The following DLGAP2 variants were observed in gnomAD, a reference collection of about 807,000 sequenced individuals.
The protein encoded by DLGAP2 is DLG associated protein 2, also known as disks large-associated protein 2.
Under a neutral mutation model 100.3 loss-of-function variants are expected in DLGAP2, and 26 were observed. The ratio of observed to expected loss-of-function variants is 0.26; its 90% confidence interval spans 0.19 to 0.36. DLGAP2 has a LOEUF of 0.36. DLGAP2 is among the 10% of genes least tolerant of loss of function. The probability of loss-of-function intolerance (pLI) is 1.00; values close to 1 mark genes in which losing one functional copy is unlikely to be tolerated. For synonymous variants in DLGAP2, 886 were observed against 630.1 expected (o/e 1.41, Z -6.08); for missense variants, 1,858 against 1,453.2 (o/e 1.28, Z -4.53).
At chr8:1,237,638 C>A (rs1397276704) in intron 2 of DLGAP2, among the ~76,000 whole-genome samples, 5 of 142,564 alleles carry the variant, frequency 3.5e-5, no homozygotes, top group African/African-American at 1.3e-4. Flanking sequence ...GGTGCCGTGT[C>A]TAGTTCTCTC....
intron 2 of DLGAP2, among the ~76,000 whole-genome samples, chr8:1,243,221 A>G (rs976640659): frequency 1.1e-4 from 17 of 152,190 alleles, no homozygotes; most frequent in African/African-American, 4.1e-4. Flanking sequence ...TGGCCTTCAG[A>G]GAGCCTGCAG....
At chr8:758,057 A>C (rs555605303) in intron 1 of DLGAP2, among the ~76,000 whole-genome samples, 1 of 152,264 alleles carries the variant, frequency 6.6e-6, no homozygotes, top group Admixed American at 6.5e-5. Context: ...AATGGAGATG[A>C]TGGTAATTTC....
intron 1 of DLGAP2, among the ~76,000 whole-genome samples, chr8:841,921 G>C (rs1054315918): frequency 2.6e-5 from 4 of 152,296 alleles, no homozygotes; most frequent in East Asian, 3.9e-4. Flanking sequence ...AGTTACAGCA[G>C]TCCATAATTA....
intron 1 of DLGAP2, among the ~76,000 whole-genome samples, chr8:816,471 TC>T (rs1345036824): frequency 2.6e-5 from 4 of 152,174 alleles, no homozygotes; most frequent in African/African-American, 9.6e-5. Context: ...TATCTTTCCT[TC>T]ATTTACGAAG....
chr8:1,453,035 G>T (rs945898187), intron 3 of DLGAP2, among the ~76,000 whole-genome samples: 4 of 152,214 alleles, frequency 2.6e-5, no homozygotes, highest in African/African-American at 9.6e-5. Flanking sequence ...TGCCATCTGT[G>T]AAGGGTTAGA....
chr8:903,425 G>C (rs1798303333), intron 1 of DLGAP2, among the ~76,000 whole-genome samples: 1 of 152,124 alleles, frequency 6.6e-6, no homozygotes, highest in African/African-American at 2.4e-5. Flanking sequence ...GTGCAAGGCC[G>C]TGTCCATAAA....
intron 1 of DLGAP2, among the ~76,000 whole-genome samples, chr8:771,411 A>C (rs540117993): frequency 2.6e-5 from 4 of 152,354 alleles, no homozygotes; most frequent in Non-Finnish European, 5.9e-5. Flanking sequence ...TTTCAGAAAC[A>C]CATTTTGATT....
chr8:1,224,310 G>T lies in DLGAP2; in HGVS notation c.74-34541G>T, dbSNP rs189881104. Among the ~76,000 whole-genome samples the T allele has an allele frequency of 1.7e-3, 258 of 152,278 alleles. 1 individual carries two copies. Among genetic ancestry groups the T allele is most frequent in the Middle Eastern group, 0.01 (3 of 294 alleles). The stretch of plus-strand genomic sequence containing the variant: ...CATATAAGAGACATAATTGACATGC[G>T]TATTTGTAACTACCGTCAAGTAGGA... On this transcript the variant is annotated intron_variant, in intron 2 of 14. Transcript: ENST00000637795.
intron 2 of DLGAP2, among the ~76,000 whole-genome samples, chr8:1,255,617 G>C (rs1352861307): frequency 7.4e-6 from 1 of 135,364 alleles, no homozygotes; most frequent in Non-Finnish European, 1.5e-5. Flanking sequence ...TCTCTTGCCT[G>C]GGTGCTGTGT....
intron 3 of DLGAP2, among the ~76,000 whole-genome samples, chr8:1,476,311 C>T (rs184307838): frequency 1.3e-5 from 2 of 152,318 alleles, no homozygotes; most frequent in East Asian, 1.9e-4. Context: ...CATACATCTA[C>T]GTGAGAGAGC....
chr8:1,417,857 G>A (rs1322669855), intron 3 of DLGAP2, among the ~76,000 whole-genome samples: 2 of 152,186 alleles, frequency 1.3e-5, no homozygotes, highest in East Asian at 1.9e-4. Context: ...CTTTATTGGC[G>A]GGAATTCAGA....
chr8:1,485,700 A>G (rs968683156), intron 3 of DLGAP2, among the ~76,000 whole-genome samples: 1 of 152,196 alleles, frequency 6.6e-6, no homozygotes, highest in Non-Finnish European at 1.5e-5. Flanking sequence ...GGAAAAGGGA[A>G]CCTTTGAAAG....
At chr8:1,515,828 C>T (rs1463137344) in intron 4 of DLGAP2, among the ~76,000 whole-genome samples, 1 of 152,264 alleles carries the variant, frequency 6.6e-6, no homozygotes, top group Non-Finnish European at 1.5e-5. Context: ...CTCCCATTCC[C>T]TCTGTACTGT....
At chr8:1,487,220 C>T (rs1020934598) in intron 3 of DLGAP2, among the ~76,000 whole-genome samples, 3 of 152,204 alleles carry the variant, frequency 2.0e-5, no homozygotes, top group African/African-American at 7.2e-5. Flanking sequence ...CCAGTTTCAT[C>T]TGTCATTTTT....
At chr8:1,281,456 C>G (rs1304884914) in intron 3 of DLGAP2, among the ~76,000 whole-genome samples, 1 of 152,190 alleles carries the variant, frequency 6.6e-6, no homozygotes, top group Non-Finnish European at 1.5e-5. Context: ...CTGCGCCTCC[C>G]CAGCCCTTCT....
chr8:1,098,366 C>G (rs942705724), intron 2 of DLGAP2, among the ~76,000 whole-genome samples: 1 of 152,242 alleles, frequency 6.6e-6, no homozygotes, highest in African/African-American at 2.4e-5. Context: ...AACCCTGGAA[C>G]GCGCTTCTGG....
chr8:1,527,229 G>T (rs1800825416), intron 4 of DLGAP2, among the ~76,000 whole-genome samples: 1 of 152,198 alleles, frequency 6.6e-6, no homozygotes, highest in African/African-American at 2.4e-5. Context: ...CAAACAAAAT[G>T]TCCCACCCCA....
intron 1 of DLGAP2, among the ~76,000 whole-genome samples, chr8:772,194 C>A (rs1444587371): frequency 6.6e-6 from 1 of 152,136 alleles, no homozygotes; most frequent in Non-Finnish European, 1.5e-5. Flanking sequence ...AGCCACTGTG[C>A]CCAGCCTCAT....
chr8:1,417,795 A>G (rs970134218), intron 3 of DLGAP2, among the ~76,000 whole-genome samples: 1 of 147,936 alleles, frequency 6.8e-6, no homozygotes, highest in Non-Finnish European at 1.5e-5. Flanking sequence ...AAAGTGATCA[A>G]TGTCTCCACA....
Sources: allele counts gnomAD v4.1 joint callset (sites outside exome capture counted in the v4.1 genomes callset), GRCh38; gene constraint gnomAD v4.1.1; transcripts MANE v1.5; gene names NCBI Gene and HGNC (gene_info 2026-07-23, HGNC 2026-07-21).